The following GPRC5A variants were observed in gnomAD, a reference collection of about 807,000 sequenced individuals.
GPRC5A encodes the protein retinoic acid-induced protein 3.
GPRC5A carries 19 observed loss-of-function variants against 22.5 expected under a neutral mutation model. The ratio of observed to expected loss-of-function variants is 0.85; its 90% confidence interval spans 0.59 to 1.24. GPRC5A has a LOEUF of 1.24. Among genes scored for constraint, GPRC5A ranks in the 50% most tolerant of loss-of-function variants. The probability of loss-of-function intolerance (pLI) is 0.00; values close to 1 mark genes in which losing one functional copy is unlikely to be tolerated. For missense variants in GPRC5A, 471 were observed against 451.1 expected (o/e 1.04, Z -0.40); for synonymous variants, 192 against 184.5 (o/e 1.04, Z -0.33).
intron 1 of GPRC5A, among the ~76,000 whole-genome samples, chr12:12,893,212 C>T (rs372716584): frequency 6.6e-6 from 1 of 152,230 alleles, no homozygotes; most frequent in Admixed American, 6.5e-5. Flanking sequence ...GGGGAGGCCC[C>T]CAGTTTCCCC....
chr12:12,900,054 C>T (rs1863865397), intron 1 of GPRC5A, among the ~76,000 whole-genome samples: 1 of 152,214 alleles, frequency 6.6e-6, no homozygotes. Flanking sequence ...AGACTCATCA[C>T]ATGTTCACGT....
rs1209334705 is a variant in GPRC5A at position 12,917,249 on chromosome 12, T to TGTGTGTGTGC, written c.*4713_*4714insTGTGTGCGTG. On this transcript the variant is annotated 3_prime_UTR_variant, in exon 4 of 4. Transcript: ENST00000014914. Reference sequence around the variant, plus strand: ...GTGTGTGTGTGTGTGTGTGTGTGTGTGTGCGTGCGTGCGTGTATGTGCGCC... The same window carrying TGTGTGTGTGC: ...GTGTGTGTGTGTGTGTGTGTGTGTGTGTGTGTGTGCGTGCGTGCGTGCGTGTATGTGCGCC... The TGTGTGTGTGC allele has an allele frequency of 8.7e-5, 5 of 57,638 alleles. No homozygotes were observed. The highest frequency in any genetic ancestry group is 1.3e-4 in the Non-Finnish European group (4 of 30,036). The allele number at this position is 57,638 out of a possible 1,614,324, so 3.6% of individuals were successfully genotyped here.
In GPRC5A at chr12:12,908,833, C is replaced by T. The variant is rs1203924076; in HGVS notation, c.584C>T (p.Ser195Phe). 2 of 1,614,062 alleles carry T rather than the reference C, an allele frequency of 1.2e-6. No homozygotes were observed. ...LFLMALTFLMSSFTFCGSFTG... is the reference protein window; with the variant it reads ...LFLMALTFLMFSFTFCGSFTG... The stretch of plus-strand genomic sequence containing the variant: ...TTGATGGCGCTGACCTTCCTCATGT[C>T]CTCCTTCACCTTCTGTGGTTCCTTC... Residue 195 changes from serine to phenylalanine, a missense_variant, in exon 2 of 4, where the codon TCC becomes TTC. Ser to Phe is a radical substitution (Grantham distance 155). Coordinates refer to ENST00000014914, the MANE Select transcript of GPRC5A (RefSeq NM_003979.4).
chr12:12,911,651 G>A (rs945330644), intron 2 of GPRC5A, among the ~76,000 whole-genome samples: 2 of 151,956 alleles, frequency 1.3e-5, no homozygotes, highest in African/African-American at 2.4e-5. Flanking sequence ...ACCACGCCTG[G>A]CTAATTTTTT....
In GPRC5A at chr12:12,909,005, T is replaced by A. The variant is rs751439676; in HGVS notation, c.756T>A (p.Asn252Lys). The A allele has an allele frequency of 6.2e-7, 1 of 1,614,064 alleles. No homozygotes were observed. Among genetic ancestry groups the A allele is most frequent in the East Asian group, 2.2e-5 (1 of 44,888 alleles). ...DTILSSALAANGWVFLLAYVS... is the reference protein window; with the variant it reads ...DTILSSALAAKGWVFLLAYVS... ...TCCTCAGCTCCGCCTTGGCTGCCAATGGCTGGGTGTTCCTGTTGGCTTATG... is the reference window on the plus strand; with the variant it reads ...TCCTCAGCTCCGCCTTGGCTGCCAAAGGCTGGGTGTTCCTGTTGGCTTATG... Residue 252 changes from asparagine to lysine, a missense_variant, in exon 2 of 4, where the codon AAT becomes AAA. Asn to Lys is a moderately conservative substitution (Grantham distance 94). Transcript: ENST00000014914.
chr12:12,911,420 G>C (rs1864002536), intron 2 of GPRC5A, among the ~76,000 whole-genome samples: 1 of 151,868 alleles, frequency 6.6e-6, no homozygotes, highest in Non-Finnish European at 1.5e-5. Context: ...TAAATCCCCA[G>C]TGAGATTCAC....
intron 1 of GPRC5A, among the ~76,000 whole-genome samples, chr12:12,899,129 A>G (rs1160513335): frequency 2.0e-5 from 3 of 152,156 alleles, no homozygotes; most frequent in Non-Finnish European, 4.4e-5. Context: ...CCTGGGCTCA[A>G]GCAATCCTCT....
At chr12:12,892,888 G>A (rs1157483516) in intron 1 of GPRC5A, among the ~76,000 whole-genome samples, 1 of 152,176 alleles carries the variant, frequency 6.6e-6, no homozygotes, top group African/African-American at 2.4e-5. Context: ...GACACAATGG[G>A]CTAGGGACCA....
intron 1 of GPRC5A, among the ~76,000 whole-genome samples, chr12:12,900,276 T>A (rs2136457215): frequency 6.6e-6 from 1 of 152,260 alleles, no homozygotes; most frequent in South Asian, 2.1e-4. Flanking sequence ...GGGGCAAGAA[T>A]GAGGATGAGG....
chr12:12,893,424 A>G (rs1022249543), intron 1 of GPRC5A, among the ~76,000 whole-genome samples: 1 of 152,230 alleles, frequency 6.6e-6, no homozygotes, highest in African/African-American at 2.4e-5. Flanking sequence ...AGGAATTAAT[A>G]TGGTGGTATA....
At position 12,914,126 on chromosome 12, in the gene GPRC5A, A is replaced by G. The variant is rs2136464370; in HGVS notation, c.*1587A>G. The G allele has an allele frequency of 6.6e-6, 1 of 152,430 alleles. No individual in the cohort carries two copies. Among genetic ancestry groups the G allele is most frequent in the South Asian group, 2.1e-4 (1 of 4,826 alleles). The allele number at this position is 152,430 out of a possible 1,614,324, so 9.4% of individuals were successfully genotyped here. A position where few individuals can be genotyped will look rare whatever the true frequency, so the allele number is the denominator to read the frequency against. On this transcript the variant is annotated 3_prime_UTR_variant, in exon 4 of 4. Coordinates refer to ENST00000014914, the MANE Select transcript of GPRC5A (RefSeq NM_003979.4). Reference sequence around the variant, plus strand: ...AGCAATAGGAAATCTCTCTTTCGTTATGGAAAAAAAATAATCCCTCTACAT... The same window carrying G: ...AGCAATAGGAAATCTCTCTTTCGTTGTGGAAAAAAAATAATCCCTCTACAT...
rs1238112566 is a variant in GPRC5A, at chr12:12,917,651, A to G, written c.*5112A>G. 6.6e-6 allele frequency: 1 copy of G among 152,080 alleles called. No individual in the cohort carries two copies. The highest frequency in any genetic ancestry group is 1.5e-5 in the Non-Finnish European group (1 of 68,030). 9.4% of individuals were successfully genotyped at this position (152,080 alleles called of 1,614,324 possible). A position where few individuals can be genotyped will look rare whatever the true frequency, so the allele number is the denominator to read the frequency against. On this transcript the variant is annotated 3_prime_UTR_variant, in exon 4 of 4. Coordinates refer to ENST00000014914, the MANE Select transcript of GPRC5A (RefSeq NM_003979.4). Reference sequence around the variant, plus strand: ...CTCCTCTCCCTTCTGCGTGTAAGCCATGGGAAAGGGATGAGGGAGGACAGC... The same window carrying G: ...CTCCTCTCCCTTCTGCGTGTAAGCCGTGGGAAAGGGATGAGGGAGGACAGC...
At chr12:12,903,294 A>T (rs1327564487) in intron 1 of GPRC5A, among the ~76,000 whole-genome samples, 2 of 152,090 alleles carry the variant, frequency 1.3e-5, no homozygotes, top group African/African-American at 4.8e-5. Context: ...TTAATTTTTT[A>T]AAAATAGACA....
At chr12:12,893,436 T>C (rs1863785659) in intron 1 of GPRC5A, among the ~76,000 whole-genome samples, 1 of 152,240 alleles carries the variant, frequency 6.6e-6, no homozygotes, top group African/African-American at 2.4e-5. Context: ...GGTGGTATAG[T>C]AAACAATAAA....
chr12:12,912,235 C>A lies in GPRC5A; in HGVS notation c.981+93C>A. The A allele has an allele frequency of 7.1e-6, 7 of 986,612 alleles. No homozygotes were observed. The South Asian group carries it at 9.0e-5, about 13-fold the overall frequency. The allele number at this position is 986,612 out of a possible 1,614,324, so 61.1% of individuals were successfully genotyped here. On this transcript the variant is annotated intron_variant, in intron 3 of 3. Coordinates refer to ENST00000014914, the MANE Select transcript of GPRC5A (RefSeq NM_003979.4). ...CAGACGATGTTACCTTTCTCATGGC[C>A]CCTAGATGGCCACTTGAAGGAATGA...
rs1864016961 is a variant in GPRC5A at position 12,912,613 on chromosome 12, T to C, written c.*74T>C. 1.2e-6 allele frequency: 1 copy of C among 853,076 alleles called. No individual in the cohort carries two copies. The highest frequency in any genetic ancestry group is 2.0e-6 in the Non-Finnish European group (1 of 495,654). 52.8% of individuals were successfully genotyped at this position (853,076 alleles called of 1,614,324 possible). On this transcript the variant is annotated 3_prime_UTR_variant, in exon 4 of 4. Transcript: ENST00000014914. ...GGAGCTCAAAGGGATGTGGGCGAAATCTTGAGTCTTCTGAGAAAACTGTAC... is the reference window on the plus strand; with the variant it reads ...GGAGCTCAAAGGGATGTGGGCGAAACCTTGAGTCTTCTGAGAAAACTGTAC...
chr12:12,892,314 A>G (rs1437424314), intron 1 of GPRC5A, among the ~76,000 whole-genome samples: 6 of 152,208 alleles, frequency 3.9e-5, no homozygotes, highest in Non-Finnish European at 7.3e-5. Context: ...TGGGAATAGC[A>G]TAGATGCTGT....
rs1864053114 is a variant in GPRC5A at position 12,915,370 on chromosome 12, CA to C, written c.*2835del. The C allele has an allele frequency of 6.6e-6, 1 of 152,110 alleles. No homozygotes were observed. Among genetic ancestry groups the C allele is most frequent in the Non-Finnish European group, 1.5e-5 (1 of 68,082 alleles). The allele number at this position is 152,110 out of a possible 1,614,324, so 9.4% of individuals were successfully genotyped here. A position where few individuals can be genotyped will look rare whatever the true frequency, so the allele number is the denominator to read the frequency against. ...TTTGAATCACTTGTTGAAAAACACA[CA>C]AAATATATTTTTTGTAGAGGTGGGG... On this transcript the variant is annotated 3_prime_UTR_variant, in exon 4 of 4. Transcript: ENST00000014914.
chr12:12,897,598 C>T (rs1371296536), intron 1 of GPRC5A, among the ~76,000 whole-genome samples: 3 of 149,336 alleles, frequency 2.0e-5, no homozygotes, highest in African/African-American at 4.9e-5. Flanking sequence ...CAAAAAGGAG[C>T]GAATACGCTT....
Sources: gnomAD v4.1 joint callset for allele counts (sites outside exome capture counted in the v4.1 genomes callset) on GRCh38, gnomAD v4.1.1 for gene constraint, MANE v1.5 for transcripts, NCBI Gene and HGNC (gene_info 2026-07-23, HGNC 2026-07-21) for gene names.